Variants in TNFSF11 observed in about 807,000 individuals in gnomAD.
The protein encoded by TNFSF11 is TNF superfamily member 11.
A neutral mutation model predicts 32.2 loss-of-function variants in TNFSF11; 12 were observed. That is an observed-to-expected ratio of 0.37 (90% CI 0.24 to 0.60). The LOEUF is 0.60. TNFSF11 is among the 20% of genes least tolerant of loss of function. The pLI, the probability that TNFSF11 is intolerant of heterozygous loss-of-function variation, is 0.66. For missense variants in TNFSF11, 345 were observed against 398.0 expected, an observed-to-expected ratio of 0.87 and a Z score of 1.13; for synonymous variants, 172 against 152.1, an observed-to-expected ratio of 1.13 and a Z score of -0.96.
At chr13:42,586,329 C>G (rs1455094862) in intron 2 of TNFSF11, among the ~76,000 whole-genome samples, 1 of 152,190 alleles carries the variant, frequency 6.6e-6, no homozygotes, top group Non-Finnish European at 1.5e-5. Context: ...ACTTATTGAA[C>G]TCTGTAAACT....
At chr13:42,575,497 A>G (rs1594459032) in intron 1 of TNFSF11, among the ~76,000 whole-genome samples, 1 of 152,098 alleles carries the variant, frequency 6.6e-6, no homozygotes, top group East Asian at 1.9e-4. Flanking sequence ...ATGGGAAAAG[A>G]AAGTTGGGTT....
chr13:42,606,940 T>C lies in TNFSF11; in HGVS notation c.*22T>C. 6.2e-6 allele frequency: 10 copies of C among 1,614,036 alleles called. No homozygotes were observed. The highest frequency in any genetic ancestry group is 7.6e-6 in the Non-Finnish European group (9 of 1,179,982). ...TTGAGCCCCAGTTTTTGGAGTGTTA[T>C]GTATTTCCTGGATGTTTGGAAACAT... On this transcript the variant is annotated 3_prime_UTR_variant, in exon 5 of 5. Coordinates refer to ENST00000398795, the MANE Select transcript of TNFSF11 (RefSeq NM_003701.4).
In TNFSF11 at chr13:42,581,901, C is replaced by T. The variant is rs9594783; in HGVS notation, c.387+608C>T. 8.3e-3 allele frequency among the ~76,000 whole-genome samples: 1,257 copies of T among 152,266 alleles called. 19 individuals are homozygous for T. The highest frequency in any genetic ancestry group is 0.029 in the African/African-American group (1,189 of 41,546). On this transcript the variant is annotated intron_variant, in intron 2 of 4. Transcript: ENST00000398795. ...AGAAGACCAATGACTTCTCTTACAC[C>T]GACAGCCCCAGTTGGGAAACACTGT...
chr13:42,571,130 G>A (rs147362966), upstream of TNFSF11, among the ~76,000 whole-genome samples: 474 of 152,300 alleles, frequency 3.1e-3, 4 homozygotes, highest in African/African-American at 0.011. Flanking sequence ...GACATGACAG[G>A]AGAATTTAAG....
chr13:42,595,175 T>A (rs1868735094), intron 2 of TNFSF11, among the ~76,000 whole-genome samples: 1 of 152,184 alleles, frequency 6.6e-6, no homozygotes, highest in Non-Finnish European at 1.5e-5. Context: ...GTCCACTAGG[T>A]GGCAGTATCT....
intron 2 of TNFSF11, among the ~76,000 whole-genome samples, chr13:42,597,596 C>T (rs1868892196): frequency 1.3e-5 from 2 of 152,070 alleles, no homozygotes; most frequent in South Asian, 2.1e-4. Context: ...CAGTCTGTGC[C>T]TCTGTGAATC....
chr13:42,600,781 C>T lies in TNFSF11; in HGVS notation c.417C>T (p.His139=), dbSNP rs1453542671. 6.2e-6 allele frequency: 10 copies of T among 1,614,018 alleles called. No individual in the cohort carries two copies. Among genetic ancestry groups the T allele is most frequent in the African/African-American group, 1.3e-5 (1 of 74,916 alleles). Residue 139 remains histidine, a synonymous_variant, in exon 3 of 5, where the codon CAC becomes CAT. Transcript: ENST00000398795. Reference sequence around the variant, plus strand: ...TACAACATATCGTTGGATCACAGCACATCAGAGCAGAGAAAGGTAAGCATG... The same window carrying T: ...TACAACATATCGTTGGATCACAGCATATCAGAGCAGAGAAAGGTAAGCATG... ...KELQHIVGSQ[H]IRAEKAMVDG...
At chr13:42,568,612 G>A (rs1416883093) in intron 2 of TNFSF11, among the ~76,000 whole-genome samples, 1 of 152,170 alleles carries the variant, frequency 6.6e-6, no homozygotes, top group Non-Finnish European at 1.5e-5. Flanking sequence ...CCGGTCCTAG[G>A]TGAGAAGTTT....
chr13:42,606,440 A>T, intron 4 of TNFSF11, 57 bp from the exon 5 acceptor site: 1 of 1,600,036 alleles, frequency 6.2e-7, no homozygotes. Flanking sequence ...AGAATTGTGA[A>T]GACGTCCTTC....
chr13:42,592,602 C>T (rs1868549063), intron 2 of TNFSF11, among the ~76,000 whole-genome samples: 1 of 152,178 alleles, frequency 6.6e-6, no homozygotes, highest in Admixed American at 6.5e-5. Context: ...ATTACATAGA[C>T]ATAGTTTATT....
intron 4 of TNFSF11, 125 bp from the exon 5 acceptor site, chr13:42,606,372 T>C (rs1463689801): frequency 2.6e-6 from 3 of 1,169,334 alleles, no homozygotes; most frequent in Non-Finnish European, 3.7e-6. Context: ...GAAATGCCAA[T>C]AAGTTATTCT....
chr13:42,585,798 A>C (rs549450957), intron 2 of TNFSF11, among the ~76,000 whole-genome samples: 1 of 152,332 alleles, frequency 6.6e-6, no homozygotes, highest in South Asian at 2.1e-4. Flanking sequence ...TGAGCACTTG[A>C]GCTGTGACTG....
chr13:42,591,587 G>C (rs559198153), intron 2 of TNFSF11, among the ~76,000 whole-genome samples: 1 of 152,250 alleles, frequency 6.6e-6, no homozygotes, highest in Non-Finnish European at 1.5e-5. Context: ...TCTTTGCTTT[G>C]GGTGTTTTTG....
At chr13:42,573,533 A>C (rs1013607468), upstream of TNFSF11, among the ~76,000 whole-genome samples, 8 of 152,070 alleles carry the variant, frequency 5.3e-5, no homozygotes, top group African/African-American at 1.9e-4. Flanking sequence ...TTTTCTCTGC[A>C]CTGTTTTCAT....
intron 2 of TNFSF11, among the ~76,000 whole-genome samples, chr13:42,566,916 C>CG (rs1281254200): frequency 6.6e-6 from 1 of 151,992 alleles, no homozygotes; most frequent in Non-Finnish European, 1.5e-5. Context: ...TTGCTTGAAC[C>CG]GGGGGGCAGA....
At chr13:42,586,355 C>T (rs544703086) in intron 2 of TNFSF11, among the ~76,000 whole-genome samples, 51 of 152,338 alleles carry the variant, frequency 3.3e-4, no homozygotes, top group African/African-American at 8.4e-4. Context: ...TTTACATCAA[C>T]GAACTCATAA....
Position 42,606,549 on chromosome 13 carries a change from G to C in TNFSF11, c.585G>C (p.Lys195Asn). 1 of 1,614,202 alleles carries C rather than the reference G, an allele frequency of 6.2e-7. No homozygotes were observed. Among genetic ancestry groups the C allele is most frequent in the Non-Finnish European group, 8.5e-7 (1 of 1,180,038 alleles). ...GGTACCATGATCGGGGTTGGGCCAA[G>C]ATCTCCAACATGACTTTTAGCAATG... ...SSWYHDRGWA[K>N]ISNMTFSNGK... Residue 195 changes from lysine to asparagine, a missense_variant, in exon 5 of 5, where the codon AAG (lysine) becomes AAC (asparagine). Around this residue, in one of 2 missense-constraint regions of TNFSF11, gnomAD observed 148 missense variants for 216.0 expected, o/e 0.69. Coordinates refer to ENST00000398795, the MANE Select transcript of TNFSF11 (RefSeq NM_003701.4).
chr13:42,568,513 A>G (rs1872946978), intron 2 of TNFSF11, among the ~76,000 whole-genome samples: 1 of 152,234 alleles, frequency 6.6e-6, no homozygotes, highest in African/African-American at 2.4e-5. Flanking sequence ...GTCATCACAT[A>G]CTAGTTAATT....
chr13:42,568,668 G>A (rs1872951868), intron 2 of TNFSF11, among the ~76,000 whole-genome samples: 1 of 152,144 alleles, frequency 6.6e-6, no homozygotes, highest in Admixed American at 6.5e-5. Context: ...CCGGAGATCA[G>A]AAGACGCGGG....
Sources: allele counts gnomAD v4.1 joint callset (sites outside exome capture counted in the v4.1 genomes callset), GRCh38; gene constraint gnomAD v4.1.1; regional missense constraint gnomAD v4.1.1; transcripts MANE v1.5; gene names NCBI Gene and HGNC (gene_info 2026-07-23, HGNC 2026-07-21).